Variants in WDR36 observed in about 807,000 individuals in gnomAD.
WDR36 encodes the protein WD repeat domain 36.
A neutral mutation model predicts 112.7 loss-of-function variants in WDR36; 63 were observed. The observed-to-expected ratio is 0.56, with a 90% CI of 0.46 to 0.69. The LOEUF (loss-of-function observed/expected upper bound fraction) is 0.69, where lower values mean the gene tolerates loss of function less well. Ranked by LOEUF, WDR36 falls within the 30% of genes least tolerant of loss-of-function variation. WDR36 has a pLI of 0.00. For missense variants in WDR36, 1,226 were observed against 1,070.3 expected (o/e 1.15, Z -2.03); for synonymous variants, 410 against 362.2 (o/e 1.13, Z -1.50).
rs1410587060 is a variant in WDR36 at position 111,124,133 on chromosome 5, T to C, written c.2294T>C (p.Leu765Ser). The C allele has an allele frequency of 2.5e-6, 4 of 1,613,102 alleles. No individual in the cohort carries two copies. The highest frequency in any genetic ancestry group is 3.3e-5 in the Admixed American group (2 of 60,000). ...QQSKVVNLGV[L>S]AQKSDFCLKL... ...TCTAAAGTGGTAAATCTTGGAGTTT[T>C]GGCTCAAAAATCAGATTTCTGCTTG... Residue 765 changes from leucine (L) to serine (S), a missense_variant, in exon 21 of 23, where the codon TTG becomes TCG. Leu to Ser is a moderately radical substitution (Grantham distance 145). Transcript: ENST00000513710.
intron 3 of WDR36, among the ~76,000 whole-genome samples, chr5:111,097,786 G>T (rs1753023504): frequency 6.6e-6 from 1 of 152,124 alleles, no homozygotes; most frequent in Non-Finnish European, 1.5e-5. Context: ...TAGGAATGGG[G>T]GTACAAAGAT....
intron 16 of WDR36, among the ~76,000 whole-genome samples, chr5:111,118,692 T>C (rs13186410): frequency 6.6e-6 from 1 of 151,998 alleles, no homozygotes; most frequent in South Asian, 2.1e-4. Context: ...TTTAGAATTG[T>C]CTCCAAGTCA....
rs769161503 is a variant in WDR36, at chr5:111,111,291, C to G, written c.1716+13C>G. 5.6e-6 allele frequency: 9 copies of G among 1,598,490 alleles called. No homozygotes were observed. The highest frequency in any genetic ancestry group is 2.2e-5 in the South Asian group (2 of 90,756). On this transcript the variant is annotated intron_variant, in intron 15 of 22. Transcript: ENST00000513710. ...AATAAATGACATGGTAAAACAAACT[C>G]TAACTAATAAAACTTGACTCATTTC...
At chr5:111,116,085 G>A (rs1014660065) in intron 16 of WDR36, among the ~76,000 whole-genome samples, 3 of 151,858 alleles carry the variant, frequency 2.0e-5, no homozygotes, top group African/African-American at 7.3e-5. Context: ...TGGGACCACA[G>A]GCGTGTGCCA....
In WDR36 at chr5:111,126,809, A is replaced by G; in HGVS notation, c.2614A>G (p.Asn872Asp). Residue 872 changes from asparagine (N) to aspartate (D), a missense_variant, in exon 23 of 23, where the codon AAC becomes GAC. Coordinates refer to ENST00000513710, the MANE Select transcript of WDR36 (RefSeq NM_139281.3). The part of the protein sequence containing the change: ...ITNLSSQVEE[N>D]WTHLQSLFNQ... ...AAATTTGTCATCCCAGGTGGAAGAA[A>G]ACTGGACCCATTTGCAATCACTCTT... 6.2e-7 allele frequency: 1 copy of G among 1,613,772 alleles called. No individual in the cohort carries two copies. The highest frequency in any genetic ancestry group is 8.5e-7 in the Non-Finnish European group (1 of 1,179,830).
intron 2 of WDR36, chr5:111,095,163 A>G: frequency 1.9e-6 from 1 of 532,906 alleles, no homozygotes; most frequent in South Asian, 2.2e-5. Flanking sequence ...TGTTCTTTAG[A>G]CTTTCTTTGT....
intron 13 of WDR36, 50 bp downstream of exon 13, chr5:111,110,353 T>A: frequency 7.1e-7 from 1 of 1,414,526 alleles, no homozygotes; most frequent in Non-Finnish European, 1.0e-6. Flanking sequence ...GATACAAAAC[T>A]AGTAGTGAAA....
At chr5:111,104,108 GAGA>G in intron 7 of WDR36, 66 bp from the exon 8 acceptor site, 2 of 1,470,590 alleles carry the variant, frequency 1.4e-6, no homozygotes, top group Middle Eastern at 1.9e-4. Flanking sequence ...AAAGGGAAGA[GAGA>G]AGAATTCTTG....
At chr5:111,107,462 G>A in intron 12 of WDR36, 23 bp downstream of exon 12, 1 of 1,607,916 alleles carries the variant, frequency 6.2e-7, no homozygotes. Context: ...GTTTATAAGA[G>A]TATCTTCTCT....
chr5:111,127,100 G>A lies in WDR36; in HGVS notation c.*217G>A. 2.3e-6 allele frequency: 1 copy of A among 440,176 alleles called. No homozygotes were observed. The allele number at this position is 440,176 out of a possible 1,614,324, so 27.3% of individuals were successfully genotyped here. Reference sequence around the variant, plus strand: ...GCCTGTAATTCCAGCACTTTCAGAGGCCAAAGCGGGAGGATTGCTTGAAGC... The same window carrying A: ...GCCTGTAATTCCAGCACTTTCAGAGACCAAAGCGGGAGGATTGCTTGAAGC... On this transcript the variant is annotated 3_prime_UTR_variant, in exon 23 of 23. Transcript: ENST00000513710.
chr5:111,113,407 C>T (rs552659904), intron 16 of WDR36, among the ~76,000 whole-genome samples: 2 of 149,036 alleles, frequency 1.3e-5, no homozygotes, highest in African/African-American at 5.0e-5. Flanking sequence ...GATACAGAAG[C>T]GAGATGCCTA....
rs923403024 is a variant in WDR36 at position 111,105,443 on chromosome 5, A to G, written c.1093+83A>G. The stretch of plus-strand genomic sequence containing the variant: ...TGAAACAACTGGAGGAAGTTTCATC[A>G]ATGCATTTTATTTTTTCTTGGATGA... On this transcript the variant is annotated intron_variant, in intron 10 of 22. Coordinates refer to ENST00000513710, the MANE Select transcript of WDR36 (RefSeq NM_139281.3). The G allele has an allele frequency of 6.2e-6, 8 of 1,283,500 alleles. No homozygotes were observed. The East Asian group carries it at 7.2e-5, about 12-fold the overall frequency. The allele number at this position is 1,283,500 out of a possible 1,614,324, so 79.5% of individuals were successfully genotyped here. A position where few individuals can be genotyped will look rare whatever the true frequency, so the allele number is the denominator to read the frequency against.
chr5:111,096,714 GA>G (rs112648944), intron 2 of WDR36, among the ~76,000 whole-genome samples: 30 of 141,786 alleles, frequency 2.1e-4, no homozygotes, highest in Admixed American at 9.9e-4. Context: ...TCAAAAAAAA[GA>G]AAAAAAAAAA....
Position 111,092,367 on chromosome 5 carries a change from C to G in WDR36, c.-90C>G, listed in dbSNP as rs1420936227. 6.2e-6 allele frequency: 10 copies of G among 1,614,110 alleles called. No individual in the cohort carries two copies. Among genetic ancestry groups the G allele is most frequent in the Admixed American group, 1.7e-5 (1 of 60,016 alleles). On this transcript the variant is annotated 5_prime_UTR_variant, in exon 1 of 23. Transcript: ENST00000513710. ...AGCGGTGTTGTGTCTGCAGCTCTGG[C>G]AGAGGACTGTTCCACTAGACACGCT...
chr5:111,117,650 A>G (rs1753481056), intron 16 of WDR36, among the ~76,000 whole-genome samples: 1 of 152,300 alleles, frequency 6.6e-6, no homozygotes, highest in Non-Finnish European at 1.5e-5. Flanking sequence ...CCGCCTTAAT[A>G]GGGTTTGTGA....
At chr5:111,124,360 C>T (rs762981419) in intron 21 of WDR36, among the ~76,000 whole-genome samples, 171 bp downstream of exon 21, 6 of 151,848 alleles carry the variant, frequency 4.0e-5, no homozygotes, top group Non-Finnish European at 5.9e-5. Context: ...TAAATAAGCC[C>T]ACTAAACTCA....
rs79307023 is a variant in WDR36, at chr5:111,126,835, C to T, written c.2640C>T (p.Phe880=). The part of the protein sequence containing the change: ...EENWTHLQSL[F]NQSMCILNYL... ...ACTGGACCCATTTGCAATCACTCTT[C>T]AATCAAAGCATGTGTATTTTAAATT... Residue 880 remains phenylalanine (F), a synonymous_variant, in exon 23 of 23, where the codon TTC becomes TTT. Transcript: ENST00000513710. 3.7e-5 allele frequency: 60 copies of T among 1,612,424 alleles called. No homozygotes were observed. The African/African-American group carries it at 6.9e-4, about 19-fold the overall frequency.
At chr5:111,102,092 C>T (rs1005474143) in intron 5 of WDR36, among the ~76,000 whole-genome samples, 4 of 150,812 alleles carry the variant, frequency 2.7e-5, no homozygotes, top group South Asian at 2.1e-4. Context: ...TTTTTACACA[C>T]GTATTTTTTT....
intron 18 of WDR36, 134 bp downstream of exon 18, chr5:111,120,727 C>A: frequency 1.2e-6 from 1 of 812,386 alleles, no homozygotes; most frequent in Non-Finnish European, 2.1e-6. Context: ...CTTTGAATGA[C>A]TTCATGAATT....
Sources: allele counts gnomAD v4.1 joint callset (sites outside exome capture counted in the v4.1 genomes callset), GRCh38; gene constraint gnomAD v4.1.1; transcripts MANE v1.5; gene names NCBI Gene and HGNC (gene_info 2026-07-23, HGNC 2026-07-21).